STXBP6: variants seen among roughly 807,000 people sequenced by gnomAD.
The protein encoded by STXBP6 is syntaxin-binding protein 6.
Under a neutral mutation model 26.9 loss-of-function variants are expected in STXBP6, and 21 were observed. The ratio of observed to expected loss-of-function variants is 0.78; its 90% CI spans 0.55 to 1.12. The LOEUF is 1.12. STXBP6 is among the 50% of genes most tolerant of loss of function. STXBP6 has a pLI of 0.00. For synonymous variants in STXBP6, 97 were observed against 92.6 expected (o/e 1.05, Z -0.27); for missense variants, 232 against 257.9 (o/e 0.90, Z 0.69).
rs958182325 is a variant in STXBP6 at position 24,876,649 on chromosome 14, T to C, written c.155-19492A>G. 5.3e-5 allele frequency among the ~76,000 whole-genome samples: 8 copies of C among 152,312 alleles called. 2 individuals carry two copies. Among genetic ancestry groups the C allele is most frequent in the Admixed American group, 3.9e-4 (6 of 15,308 alleles). The stretch of plus-strand genomic sequence containing the variant: ...TGAGAGAGAACACTGAGAATCTTAC[T>C]TCCCTTGAGATACGCTATCCATTAG... On this transcript the variant is annotated intron_variant, in intron 2 of 5. Transcript: ENST00000323944.
chr14:25,027,129 A>T (rs2075364152), intron 1 of STXBP6, among the ~76,000 whole-genome samples: 1 of 152,218 alleles, frequency 6.6e-6, no homozygotes, highest in Non-Finnish European at 1.5e-5. Flanking sequence ...TCCATATCAA[A>T]ATAGAACCCG....
In STXBP6 at chr14:24,974,701, C is replaced by T. The variant is rs1021049543; in HGVS notation, c.118G>A (p.Gly40Ser). The T allele has an allele frequency of 6.4e-7, 1 of 1,562,926 alleles. No individual in the cohort carries two copies. The highest frequency in any genetic ancestry group is 1.4e-5 in the African/African-American group (1 of 73,758). ...ATATAAGTTAAATATTCGCCTTGAC[C>T]TCCAGTTGCCAAGAAAGGAATCTTT... ...KKKIPFLATG[G>S]QGEYLTYICL... The change falls in exon 2 of 6, where the codon GGT becomes AGT. Residue 40 changes from glycine (G) to serine (S), a missense_variant. Physicochemically the swap from Gly to Ser is moderately conservative, Grantham distance 56. Coordinates refer to ENST00000323944, the MANE Select transcript of STXBP6 (RefSeq NM_001394410.1).
intron 4 of STXBP6, among the ~76,000 whole-genome samples, chr14:24,854,456 C>T (rs2069256781): frequency 6.6e-6 from 1 of 152,110 alleles, no homozygotes; most frequent in African/African-American, 2.4e-5. Context: ...TGAGAAGAGA[C>T]TCTGTGCTTA....
chr14:24,973,282 C>T (rs952118496), intron 2 of STXBP6, among the ~76,000 whole-genome samples: 49 of 151,956 alleles, frequency 3.2e-4, no homozygotes, highest in African/African-American at 1.1e-3. Flanking sequence ...CTGACAATAA[C>T]CCAATTTTTT....
intron 2 of STXBP6, among the ~76,000 whole-genome samples, chr14:24,927,290 T>C (rs1001174572): frequency 1.3e-5 from 2 of 152,214 alleles, no homozygotes; most frequent in East Asian, 1.9e-4. Flanking sequence ...AGGGTCCTTC[T>C]GCACCCACCC....
chr14:25,021,190 C>G (rs1283458255), intron 1 of STXBP6, among the ~76,000 whole-genome samples: 1 of 152,132 alleles, frequency 6.6e-6, no homozygotes, highest in African/African-American at 2.4e-5. Context: ...TTGTAGCAGC[C>G]TTCAGCTTCT....
chr14:24,952,004 T>C (rs570971530), intron 2 of STXBP6, among the ~76,000 whole-genome samples: 2 of 151,422 alleles, frequency 1.3e-5, no homozygotes, highest in Admixed American at 6.6e-5. Context: ...ATTGTGTTTT[T>C]AGCACATATT....
At chr14:25,026,071 A>G (rs2075344369) in intron 1 of STXBP6, among the ~76,000 whole-genome samples, 1 of 152,184 alleles carries the variant, frequency 6.6e-6, no homozygotes, top group African/African-American at 2.4e-5. Context: ...TTATCCTGCC[A>G]AACTTAGGAC....
chr14:25,002,088 C>T (rs994601090), intron 1 of STXBP6, among the ~76,000 whole-genome samples: 3 of 152,106 alleles, frequency 2.0e-5, no homozygotes, highest in African/African-American at 7.2e-5. Context: ...CATCAATTTA[C>T]GTATATCATA....
Position 24,932,018 on chromosome 14 carries a change from C to T in STXBP6, c.154+42647G>A, listed in dbSNP as rs984057234. ...AGGCGATAAAGGGTAAGAGAGAAGA[C>T]AGAAGAGGCCTTCAAAAAAAAAGCA... is the stretch of plus-strand genomic sequence containing the variant. On this transcript the variant is annotated intron_variant, in intron 2 of 5. Transcript: ENST00000323944. Among the ~76,000 whole-genome samples, 7 of 152,104 alleles carry T rather than the reference C, an allele frequency of 4.6e-5. 2 individuals are homozygous for T. Among genetic ancestry groups the T allele is most frequent in the Admixed American group, 3.9e-4 (6 of 15,280 alleles).
At chr14:24,997,113 G>A (rs2074624468) in intron 1 of STXBP6, among the ~76,000 whole-genome samples, 1 of 152,110 alleles carries the variant, frequency 6.6e-6, no homozygotes, top group African/African-American at 2.4e-5. Context: ...GATTCACACA[G>A]CATGCATATG....
intron 4 of STXBP6, among the ~76,000 whole-genome samples, chr14:24,849,439 G>A (rs2069072835): frequency 6.6e-6 from 1 of 152,084 alleles, no homozygotes; most frequent in Non-Finnish European, 1.5e-5. Flanking sequence ...ATGGATATAA[G>A]GAAAAGAAGA....
At chr14:24,984,442 C>A (rs1227087565) in intron 1 of STXBP6, among the ~76,000 whole-genome samples, 3 of 152,122 alleles carry the variant, frequency 2.0e-5, no homozygotes, top group African/African-American at 7.2e-5. Context: ...CTCTGAGGAG[C>A]CATTTTACAC....
intron 2 of STXBP6, among the ~76,000 whole-genome samples, chr14:24,887,399 C>A (rs376741631): frequency 2.6e-5 from 4 of 152,262 alleles, no homozygotes; most frequent in African/African-American, 9.6e-5. Flanking sequence ...AATCTCATAG[C>A]AAAGATGAAA....
At chr14:24,870,313 TG>T (rs1401486350) in intron 2 of STXBP6, among the ~76,000 whole-genome samples, 3 of 152,172 alleles carry the variant, frequency 2.0e-5, no homozygotes, top group Non-Finnish European at 2.9e-5. Context: ...TAACTTCTAT[TG>T]GCCCCTTCAA....
chr14:25,034,427 A>G (rs1245406209), intron 1 of STXBP6, among the ~76,000 whole-genome samples: 2 of 152,190 alleles, frequency 1.3e-5, no homozygotes, highest in Non-Finnish European at 2.9e-5. Flanking sequence ...TAAGCTGAGC[A>G]TATTTAAAAT....
chr14:24,880,859 G>A (rs2070331678), intron 2 of STXBP6, among the ~76,000 whole-genome samples: 1 of 152,208 alleles, frequency 6.6e-6, no homozygotes, highest in South Asian at 2.1e-4. Flanking sequence ...TAGCAGAACA[G>A]CACTGTGGGG....
chr14:24,835,317 GC>G (rs1198366198), intron 4 of STXBP6, among the ~76,000 whole-genome samples: 7 of 148,672 alleles, frequency 4.7e-5, no homozygotes, highest in African/African-American at 1.8e-4. Flanking sequence ...GAGACCCGGA[GC>G]CGTGTTTGTT....
chr14:24,819,266 A>G (rs1594901249), intron 4 of STXBP6, 72 bp from the exon 5 acceptor site: 1 of 1,579,702 alleles, frequency 6.3e-7, no homozygotes, highest in East Asian at 2.2e-5. Flanking sequence ...CGGCAGGGTG[A>G]GTATCCTGTA....
Sources: allele counts gnomAD v4.1 joint callset (sites outside exome capture counted in the v4.1 genomes callset), GRCh38; gene constraint gnomAD v4.1.1; transcripts MANE v1.5; gene names NCBI Gene and HGNC (gene_info 2026-07-23, HGNC 2026-07-21).